Variants in TMEM108 observed in about 807,000 individuals in gnomAD.
TMEM108 encodes the protein transmembrane protein 108, also known as cancer/testis antigen 124.
A neutral mutation model predicts 35.1 loss-of-function variants in TMEM108; 12 were observed. That is an observed-to-expected ratio of 0.34 (90% CI 0.22 to 0.55). The LOEUF is 0.55. Ranked by LOEUF, TMEM108 falls within the 20% of genes least tolerant of loss-of-function variation. TMEM108 has a pLI of 0.89. For missense variants in TMEM108, 680 were observed against 753.3 expected, an observed-to-expected ratio of 0.90 and a Z score of 1.14; for synonymous variants, 287 against 308.6, an observed-to-expected ratio of 0.93 and a Z score of 0.73.
intron 3 of TMEM108, among the ~76,000 whole-genome samples, chr3:133,362,161 G>C (rs2072370137): frequency 6.6e-6 from 1 of 152,164 alleles, no homozygotes; most frequent in African/African-American, 2.4e-5. Context: ...AGGAAATGCT[G>C]TAACAGAAAC....
At chr3:133,358,093 C>T (rs1379893440) in intron 3 of TMEM108, among the ~76,000 whole-genome samples, 1 of 152,054 alleles carries the variant, frequency 6.6e-6, no homozygotes, top group Non-Finnish European at 1.5e-5. Flanking sequence ...GCTCACTTGT[C>T]CTCAGATGGT....
At chr3:133,278,318 C>T (rs1177529107) in intron 3 of TMEM108, among the ~76,000 whole-genome samples, 1 of 152,178 alleles carries the variant, frequency 6.6e-6, no homozygotes, top group African/African-American at 2.4e-5. Flanking sequence ...TAAAGCAGTC[C>T]ATTCCAAGCC....
Position 133,255,605 on chromosome 3 carries a change from G to T in TMEM108, c.40+26254G>T, listed in dbSNP as rs541804844. 5.9e-5 allele frequency among the ~76,000 whole-genome samples: 9 copies of T among 152,270 alleles called. No homozygotes were observed. In the East Asian group the frequency reaches 1.7e-3, roughly 29 times the overall value. ...GAACGAGAGAATAGAGACAATGGGG[G>T]AGACGTATTTGAAAACATAATGGCT... On this transcript the variant is annotated intron_variant, in intron 3 of 5. Coordinates refer to ENST00000321871, the MANE Select transcript of TMEM108 (RefSeq NM_023943.4).
chr3:133,225,694 T>TA (rs74556637), intron 2 of TMEM108, among the ~76,000 whole-genome samples: 112,422 of 150,452 alleles, frequency 0.75, 42,126 homozygotes, highest in East Asian at 0.94. Flanking sequence ...TGGAGGGGGG[T>TA]AAAAAAAAAG....
At chr3:133,075,644 T>G (rs377767290) in intron 2 of TMEM108, among the ~76,000 whole-genome samples, 1 of 152,272 alleles carries the variant, frequency 6.6e-6, no homozygotes, top group South Asian at 2.1e-4. Flanking sequence ...CCTCCTCCCT[T>G]GCACCTATCC....
intron 3 of TMEM108, among the ~76,000 whole-genome samples, chr3:133,340,868 C>A (rs1420185800): frequency 1.3e-5 from 2 of 151,786 alleles, no homozygotes; most frequent in Middle Eastern, 3.4e-3. Context: ...ATTTAACATT[C>A]ATGATAAAAA....
intron 4 of TMEM108, among the ~76,000 whole-genome samples, chr3:133,383,284 A>T: frequency 6.6e-6 from 1 of 152,208 alleles, no homozygotes; most frequent in East Asian, 1.9e-4. Context: ...CACACTGCTA[A>T]ACACACAGGT....
At chr3:133,318,436 T>C (rs2071225001) in intron 3 of TMEM108, among the ~76,000 whole-genome samples, 1 of 152,226 alleles carries the variant, frequency 6.6e-6, no homozygotes. Flanking sequence ...ACCCATTTTA[T>C]AGATTAGGTA....
intron 2 of TMEM108, among the ~76,000 whole-genome samples, chr3:133,198,166 G>A (rs1945607119): frequency 6.6e-6 from 1 of 152,166 alleles, no homozygotes; most frequent in Non-Finnish European, 1.5e-5. Flanking sequence ...AATTATTTAT[G>A]AAGAATTTTC....
At chr3:133,099,730 G>C (rs1287360575) in intron 2 of TMEM108, among the ~76,000 whole-genome samples, 1 of 152,104 alleles carries the variant, frequency 6.6e-6, no homozygotes, top group Non-Finnish European at 1.5e-5. Flanking sequence ...CATAATAAGA[G>C]TCACCTTTGC....
rs1576296372 is a variant in TMEM108, at chr3:133,058,539, C to T, written c.-47+12519C>T. On this transcript the variant is annotated intron_variant, in intron 2 of 5. Transcript: ENST00000321871. ...GTTTGGCTGTGAGACGTGGTTAAGC[C>T]CTTTGGCTACTCCCGTGCCTACAGG... is the stretch of plus-strand genomic sequence containing the variant. Among the ~76,000 whole-genome samples the T allele has an allele frequency of 3.9e-5, 6 of 152,290 alleles. No homozygotes were observed. In the South Asian group the frequency reaches 1.2e-3, roughly 32 times the overall value.
chr3:133,151,587 A>T (rs1944801860), intron 2 of TMEM108, among the ~76,000 whole-genome samples: 1 of 152,172 alleles, frequency 6.6e-6, no homozygotes, highest in African/African-American at 2.4e-5. Context: ...ACTCGAGGGG[A>T]AAATCATTGA....
At chr3:133,210,940 G>A (rs190705169) in intron 2 of TMEM108, among the ~76,000 whole-genome samples, 57 of 152,228 alleles carry the variant, frequency 3.7e-4, no homozygotes, top group Admixed American at 2.3e-3. Context: ...CCAGAAACAC[G>A]TATTAAAACC....
intron 2 of TMEM108, among the ~76,000 whole-genome samples, chr3:133,077,345 A>C (rs1400882431): frequency 6.6e-6 from 1 of 152,094 alleles, no homozygotes; most frequent in Non-Finnish European, 1.5e-5. Flanking sequence ...TAGTGATGGC[A>C]GTGGTGTTCA....
At chr3:133,235,323 G>A (rs1365299595) in intron 3 of TMEM108, among the ~76,000 whole-genome samples, 2 of 152,170 alleles carry the variant, frequency 1.3e-5, no homozygotes, top group East Asian at 3.9e-4. Flanking sequence ...GAACAAAGCT[G>A]GAGGCATCAC....
chr3:133,340,677 GAAT>G (rs1337433408), intron 3 of TMEM108, among the ~76,000 whole-genome samples: 16 of 151,410 alleles, frequency 1.1e-4, no homozygotes, highest in African/African-American at 3.4e-4. Context: ...ATTCTCAATA[GAAT>G]ATTAGCAAAC....
At chr3:133,250,353 A>G (rs568721012) in intron 3 of TMEM108, among the ~76,000 whole-genome samples, 82 of 152,324 alleles carry the variant, frequency 5.4e-4, no homozygotes, top group Non-Finnish European at 1.0e-4. Context: ...CACTTAATGA[A>G]TAGTAAATAT....
intron 2 of TMEM108, among the ~76,000 whole-genome samples, chr3:133,164,807 C>T (rs1232915279): frequency 6.6e-6 from 1 of 151,948 alleles, no homozygotes; most frequent in Non-Finnish European, 1.5e-5. Flanking sequence ...TTTAAATGTT[C>T]ACAAGAGAGG....
At chr3:133,046,069 A>G (rs934042172) in intron 2 of TMEM108, 49 bp downstream of exon 2, 4 of 152,638 alleles carry the variant, frequency 2.6e-5, no homozygotes, top group African/African-American at 7.2e-5. Flanking sequence ...TTTCCAATTC[A>G]TAGAGGCTAT....
Sources: allele counts gnomAD v4.1 joint callset (sites outside exome capture counted in the v4.1 genomes callset), GRCh38; gene constraint gnomAD v4.1.1; transcripts MANE v1.5; gene names NCBI Gene and HGNC (gene_info 2026-07-23, HGNC 2026-07-21).